The following IPO11 variants were observed in gnomAD, a reference collection of about 807,000 sequenced individuals.
The protein encoded by IPO11 is importin 11.
In IPO11, 66 loss-of-function variants were observed where a neutral mutation model predicts 143.2. The ratio of observed to expected loss-of-function variants is 0.46; its 90% CI spans 0.38 to 0.57. The LOEUF is 0.57. IPO11 is among the 20% of genes least tolerant of loss of function. IPO11 has a pLI of 0.00. For synonymous variants in IPO11, 385 were observed against 377.8 expected, an observed-to-expected ratio of 1.02 and a Z score of -0.22; for missense variants, 1,026 against 1,141.0, an observed-to-expected ratio of 0.90 and a Z score of 1.45.
intron 5 of IPO11, among the ~76,000 whole-genome samples, chr5:62,455,770 TGAGA>T (rs145494846): frequency 2.6e-5 from 4 of 151,778 alleles, no homozygotes; most frequent in South Asian, 4.2e-4. Context: ...TTTTTTTTTT[TGAGA>T]GAGAGAGAGG....
chr5:62,486,424 A>G (rs916289509), intron 12 of IPO11, among the ~76,000 whole-genome samples: 27 of 152,112 alleles, frequency 1.8e-4, no homozygotes, highest in Non-Finnish European at 3.7e-4. Flanking sequence ...TTTTCCTTCT[A>G]TATATTTCAT....
At chr5:62,618,498 T>A (rs1364952271) in intron 29 of IPO11, among the ~76,000 whole-genome samples, 3 of 152,136 alleles carry the variant, frequency 2.0e-5, no homozygotes, top group Non-Finnish European at 1.5e-5. Context: ...AATTGATGAA[T>A]AAGTATTGTT....
At chr5:62,444,088 T>C (rs1186225772) in intron 3 of IPO11, among the ~76,000 whole-genome samples, 1 of 151,004 alleles carries the variant, frequency 6.6e-6, no homozygotes, top group African/African-American at 2.4e-5. Flanking sequence ...AAAGCAGACA[T>C]GTCTTTTTCT....
At chr5:62,456,725 G>A (rs1160201436) in intron 5 of IPO11, among the ~76,000 whole-genome samples, 1 of 152,236 alleles carries the variant, frequency 6.6e-6, no homozygotes, top group African/African-American at 2.4e-5. Context: ...TATTGTGGGA[G>A]ACAGAAGACA....
At chr5:62,589,421 G>C (rs932667579) in intron 27 of IPO11, among the ~76,000 whole-genome samples, 2 of 152,110 alleles carry the variant, frequency 1.3e-5, no homozygotes, top group African/African-American at 4.8e-5. Flanking sequence ...TTGAGCCGAA[G>C]TCACCAACCT....
chr5:62,624,209 T>G (rs568476560), intron 29 of IPO11, among the ~76,000 whole-genome samples: 249 of 151,932 alleles, frequency 1.6e-3, no homozygotes, highest in Non-Finnish European at 2.1e-3. Flanking sequence ...TAATTTTGTA[T>G]TTTTAGTAGA....
Position 62,470,816 on chromosome 5 carries a change from C to CTTTTTTTTTTTTTTTTTTTTTTTTTT in IPO11, c.708+512_708+537dup, listed in dbSNP as rs70981015. 2.2e-4 allele frequency among the ~76,000 whole-genome samples: 14 copies of CTTTTTTTTTTTTTTTTTTTTTTTTTT among 62,560 alleles called. 3 individuals are homozygous for CTTTTTTTTTTTTTTTTTTTTTTTTTT. The highest frequency in any genetic ancestry group is 3.0e-4 in the Non-Finnish European group (11 of 37,152). 41.0% of individuals were successfully genotyped at this position (62,560 alleles called of 152,430 possible). A position where few individuals can be genotyped will look rare whatever the true frequency, so the allele number is the denominator to read the frequency against. On this transcript the variant is annotated intron_variant, in intron 7 of 29. Transcript: ENST00000325324. ...TTCATTGTCTGTAGATAGCCATCTT[C>CTTTTTTTTTTTTTTTTTTTTTTTTTT]TTTTTTTTTTTTTTTTTTTTTTTTT...
At chr5:62,533,875 A>AGGCTGCAGT (rs1415007873) in intron 22 of IPO11, among the ~76,000 whole-genome samples, 4 of 151,974 alleles carry the variant, frequency 2.6e-5, no homozygotes, top group Admixed American at 6.6e-5. Flanking sequence ...GAGGGGATCA[A>AGGCTGCAGT]GGCTGCAGTG....
chr5:62,567,154 A>G (rs999376118), intron 27 of IPO11, among the ~76,000 whole-genome samples: 5 of 152,198 alleles, frequency 3.3e-5, no homozygotes, highest in African/African-American at 9.7e-5. Context: ...GAAAGTCTCT[A>G]TCTCTCCTGC....
intron 20 of IPO11, among the ~76,000 whole-genome samples, chr5:62,516,155 G>A (rs1200952771): frequency 6.6e-6 from 1 of 152,136 alleles, no homozygotes; most frequent in African/African-American, 2.4e-5. Flanking sequence ...TTTCCAGTGG[G>A]GAAGAAATCA....
chr5:62,578,792 T>TAAAAA, intron 27 of IPO11: 12 of 338,726 alleles, frequency 3.5e-5, no homozygotes, highest in East Asian at 8.8e-5. Flanking sequence ...AACGGTGACT[T>TAAAAA]AAAAAAAAAA....
intron 27 of IPO11, among the ~76,000 whole-genome samples, chr5:62,562,522 C>T (rs1743806965): frequency 6.6e-6 from 1 of 152,192 alleles, no homozygotes. Flanking sequence ...GTTACCACTC[C>T]TATGAGAATC....
intron 2 of IPO11, among the ~76,000 whole-genome samples, chr5:62,441,824 A>G (rs558301011): frequency 1.3e-5 from 2 of 148,730 alleles, no homozygotes; most frequent in Admixed American, 6.7e-5. Context: ...GCCGCTTTAT[A>G]TCTCTTAAAA....
At chr5:62,618,263 T>C (rs949961732) in intron 29 of IPO11, among the ~76,000 whole-genome samples, 2 of 152,082 alleles carry the variant, frequency 1.3e-5, no homozygotes, top group African/African-American at 4.8e-5. Context: ...AATTTTGAAG[T>C]AGATGACATA....
intron 15 of IPO11, 72 bp from the exon 16 acceptor site, chr5:62,493,926 A>T: frequency 7.5e-7 from 1 of 1,340,686 alleles, no homozygotes; most frequent in Non-Finnish European, 1.0e-6. Flanking sequence ...GATTTAAATG[A>T]TAAATTATAC....
intron 12 of IPO11, among the ~76,000 whole-genome samples, chr5:62,486,303 C>T (rs936755390): frequency 8.5e-5 from 13 of 152,096 alleles, no homozygotes; most frequent in African/African-American, 1.9e-4. Flanking sequence ...AACTTGGGGT[C>T]GGAAAACAAA....
intron 1 of IPO11, among the ~76,000 whole-genome samples, chr5:62,415,812 A>G (rs1743276066): frequency 6.6e-6 from 1 of 152,004 alleles, no homozygotes; most frequent in African/African-American, 2.4e-5. Flanking sequence ...TGCTTCATAG[A>G]GGAAATGAAA....
chr5:62,486,501 T>G (rs1376360326), intron 12 of IPO11, among the ~76,000 whole-genome samples: 1 of 152,224 alleles, frequency 6.6e-6, no homozygotes, highest in African/African-American at 2.4e-5. Context: ...ACTAGCCCAT[T>G]GCTTTCAGTT....
chr5:62,531,658 C>T (rs935784055), intron 22 of IPO11, among the ~76,000 whole-genome samples: 1 of 152,146 alleles, frequency 6.6e-6, no homozygotes, highest in African/African-American at 2.4e-5. Context: ...AAAAAATAGA[C>T]TCACTCTTTG....
Sources: gnomAD v4.1 joint callset for allele counts (sites outside exome capture counted in the v4.1 genomes callset) on GRCh38, gnomAD v4.1.1 for gene constraint, MANE v1.5 for transcripts, NCBI Gene and HGNC (gene_info 2026-07-23, HGNC 2026-07-21) for gene names.